Variants in PLCE1 observed in about 807,000 individuals in gnomAD.
The protein encoded by PLCE1 is 1-phosphatidylinositol 4,5-bisphosphate phosphodiesterase epsilon-1.
PLCE1 carries 119 observed loss-of-function variants against 242.8 expected under a neutral mutation model. The ratio of observed to expected loss-of-function variants is 0.49; its 90% confidence interval spans 0.42 to 0.57. The LOEUF (loss-of-function observed/expected upper bound fraction) is 0.57, where lower values mean the gene tolerates loss of function less well. PLCE1 is among the 20% of genes least tolerant of loss of function. The probability of loss-of-function intolerance (pLI) is 0.00; values close to 1 mark genes in which losing one functional copy is unlikely to be tolerated. For missense variants in PLCE1, 2,441 were observed against 2,788.8 expected (o/e 0.88, Z 2.81); for synonymous variants, 945 against 1,017.4 (o/e 0.93, Z 1.35).
At chr10:94,274,468 C>T (rs1185672304) in intron 19 of PLCE1, among the ~76,000 whole-genome samples, 3 of 152,172 alleles carry the variant, frequency 2.0e-5, no homozygotes, top group East Asian at 3.9e-4. Context: ...CCTGCATATT[C>T]CCTTGAAGTG....
At chr10:94,222,678 C>T (rs940744169) in intron 4 of PLCE1, among the ~76,000 whole-genome samples, 2 of 152,180 alleles carry the variant, frequency 1.3e-5, no homozygotes, top group African/African-American at 4.8e-5. Flanking sequence ...GCATGTTGGC[C>T]TTCCCACCTT....
Position 94,331,640 on chromosome 10 carries a change from G to A in PLCE1, c.*3697G>A, listed in dbSNP as rs1382372795. Reference sequence around the variant, plus strand: ...AGTGAGGCCAGAAAAGATATACCTGGGACCCCAAAAAAGTTAGAGAGAAAA... The same window carrying A: ...AGTGAGGCCAGAAAAGATATACCTGAGACCCCAAAAAAGTTAGAGAGAAAA... On this transcript the variant is annotated 3_prime_UTR_variant, in exon 33 of 33. Coordinates refer to ENST00000371380, the MANE Select transcript of PLCE1 (RefSeq NM_016341.4). 1 of 151,964 alleles carries A rather than the reference G, an allele frequency of 6.6e-6. No homozygotes were observed. Among genetic ancestry groups the A allele is most frequent in the African/African-American group, 2.4e-5 (1 of 41,346 alleles). The allele number at this position is 151,964 out of a possible 1,614,324, so 9.4% of individuals were successfully genotyped here. A position where few individuals can be genotyped will look rare whatever the true frequency, so the allele number is the denominator to read the frequency against.
intron 2 of PLCE1, chr10:94,096,361 A>G (rs561451804): frequency 6.6e-6 from 1 of 152,368 alleles, no homozygotes; most frequent in East Asian, 1.9e-4. Flanking sequence ...TATAAAGGAA[A>G]GAGATTTAAT....
At position 94,052,490 on chromosome 10, in the gene PLCE1, G is replaced by A. The variant is rs1483015695; in HGVS notation, c.1206+20238G>A. On this transcript the variant is annotated intron_variant, in intron 2 of 32. Transcript: ENST00000371380. ...AATTTGCTGTGGAACATTTTTATTG[G>A]TAATTTCTTTTGCAGATGTTTCTGG... 2.6e-5 allele frequency among the ~76,000 whole-genome samples: 4 copies of A among 152,136 alleles called. No homozygotes were observed. The East Asian group carries it at 5.8e-4, about 22-fold the overall frequency.
At chr10:94,034,232 G>T (rs1302370013) in intron 2 of PLCE1, among the ~76,000 whole-genome samples, 1 of 152,164 alleles carries the variant, frequency 6.6e-6, no homozygotes, top group Non-Finnish European at 1.5e-5. Context: ...GACACATGGA[G>T]ATTATTACAA....
At chr10:94,191,356 G>A (rs1331696341) in intron 4 of PLCE1, among the ~76,000 whole-genome samples, 1 of 152,090 alleles carries the variant, frequency 6.6e-6, no homozygotes, top group African/African-American at 2.4e-5. Context: ...AAGAAACTTG[G>A]GCTGGACGGG....
Position 94,262,346 on chromosome 10 carries a change from G to A in PLCE1, c.3815-148G>A, listed in dbSNP as rs1032021258. ...TTTTTTATTCCTATCACTATGTGAA[G>A]CCAGAAATAAACACTTCTTTGATGG... On this transcript the variant is annotated intron_variant, in intron 13 of 32. Transcript: ENST00000371380. 5.3e-6 allele frequency: 4 copies of A among 753,370 alleles called. No individual in the cohort carries two copies. In the East Asian group the frequency reaches 9.9e-5, roughly 19 times the overall value. 46.7% of individuals were successfully genotyped at this position (753,370 alleles called of 1,614,324 possible).
intron 25 of PLCE1, 97 bp downstream of exon 25, chr10:94,304,742 C>A: frequency 1.7e-6 from 2 of 1,208,152 alleles, no homozygotes; most frequent in Non-Finnish European, 1.2e-6. Context: ...GCTGTCATGT[C>A]ACAATTTGGG....
At chr10:94,117,850 G>A (rs534335258) in intron 2 of PLCE1, among the ~76,000 whole-genome samples, 2 of 152,306 alleles carry the variant, frequency 1.3e-5, no homozygotes, top group South Asian at 4.1e-4. Flanking sequence ...TCAAATTATT[G>A]CAAGAAGCCC....
At position 94,332,264 on chromosome 10, in the gene PLCE1, G is replaced by A. The variant is rs1055886376; in HGVS notation, c.*4321G>A. 1 of 152,124 alleles carries A rather than the reference G, an allele frequency of 6.6e-6. No homozygotes were observed. Among genetic ancestry groups the A allele is most frequent in the Admixed American group, 6.6e-5 (1 of 15,262 alleles). The allele number at this position is 152,124 out of a possible 1,614,324, so 9.4% of individuals were successfully genotyped here. A position where few individuals can be genotyped will look rare whatever the true frequency, so the allele number is the denominator to read the frequency against. On this transcript the variant is annotated 3_prime_UTR_variant, in exon 33 of 33. Coordinates refer to ENST00000371380, the MANE Select transcript of PLCE1 (RefSeq NM_016341.4). ...AACCTTCCCTATTGCAGATGACATA[G>A]GTCTCTAAACTTTTGACACAAGTAA... is the stretch of plus-strand genomic sequence containing the variant.
At chr10:94,265,495 C>T (rs947228438) in intron 14 of PLCE1, 152 bp from the exon 15 acceptor site, 1 of 694,118 alleles carries the variant, frequency 1.4e-6, no homozygotes, top group African/African-American at 1.8e-5. Context: ...CTAAAAACTA[C>T]TTCTTACCAC....
intron 14 of PLCE1, among the ~76,000 whole-genome samples, chr10:94,262,981 C>T (rs1209032101): frequency 6.6e-6 from 1 of 151,502 alleles, no homozygotes; most frequent in African/African-American, 2.4e-5. Flanking sequence ...AAACGATTCT[C>T]CTGCCTCAGC....
At chr10:94,283,406 C>T (rs2052318843) in intron 20 of PLCE1, 1 of 278,484 alleles carries the variant, frequency 3.6e-6, no homozygotes, top group Non-Finnish European at 7.0e-6. Flanking sequence ...GTGCTTCAGC[C>T]ACTAAATCCT....
At chr10:94,137,395 A>T (rs950019968) in intron 3 of PLCE1, among the ~76,000 whole-genome samples, 4 of 152,198 alleles carry the variant, frequency 2.6e-5, no homozygotes, top group Non-Finnish European at 2.9e-5. Context: ...TAAAAACAAG[A>T]TAAAGTTAAA....
intron 4 of PLCE1, 129 bp downstream of exon 4, chr10:94,171,625 C>A (rs934418753): frequency 1.3e-6 from 1 of 776,898 alleles, no homozygotes; most frequent in Non-Finnish European, 2.3e-6. Flanking sequence ...TCCATGATGG[C>A]TGTTTTTCTT....
chr10:94,176,650 G>C (rs1484340890), intron 4 of PLCE1, among the ~76,000 whole-genome samples: 1 of 152,162 alleles, frequency 6.6e-6, no homozygotes, highest in Non-Finnish European at 1.5e-5. Context: ...CATTGCCGGT[G>C]CTAGTCACTT....
chr10:94,023,083 A>C (rs986924657), intron 1 of PLCE1, among the ~76,000 whole-genome samples: 3 of 152,158 alleles, frequency 2.0e-5, no homozygotes, highest in African/African-American at 7.2e-5. Flanking sequence ...AGGTAGGAAG[A>C]GCTACAGGAA....
chr10:94,132,225 C>T lies in PLCE1; in HGVS notation c.1258C>T (p.Leu420Phe), dbSNP rs776797451. Residue 420 changes from leucine to phenylalanine, a missense_variant, in exon 3 of 33, where the codon CTC (leucine) becomes TTC (phenylalanine). Leu to Phe is a conservative substitution (Grantham distance 22, BLOSUM62 0). Around this residue, in one of 5 missense-constraint regions of PLCE1, gnomAD observed 733 missense variants for 754.2 expected, o/e 0.97. Transcript: ENST00000371380. Reference sequence around the variant, plus strand: ...AACAGAAAATACAGTTGGATCTCTACTCCATTTCCTCACCAAGCTCCCAGC... The same window carrying T: ...AACAGAAAATACAGTTGGATCTCTATTCCATTTCCTCACCAAGCTCCCAGC... ...EETENTVGSL[L>F]HFLTKLPASE... 6.2e-7 allele frequency: 1 copy of T among 1,614,114 alleles called. No homozygotes were observed. The highest frequency in any genetic ancestry group is 8.5e-7 in the Non-Finnish European group (1 of 1,179,982).
chr10:94,287,516 G>A (rs2052495986), intron 22 of PLCE1: 3 of 148,456 alleles, frequency 2.0e-5, no homozygotes, highest in Admixed American at 2.0e-4. Flanking sequence ...CAACAATCAT[G>A]TGGTATGAGG....
Sources: gnomAD v4.1 joint callset for allele counts (sites outside exome capture counted in the v4.1 genomes callset) on GRCh38, gnomAD v4.1.1 for gene constraint, gnomAD v4.1.1 regional missense constraint, MANE v1.5 for transcripts, NCBI Gene and HGNC (gene_info 2026-07-23, HGNC 2026-07-21) for gene names.